The following LDLRAD3 variants were observed in gnomAD, a reference collection of about 807,000 sequenced individuals.
The protein encoded by LDLRAD3 is low density lipoprotein receptor class A domain containing 3.
LDLRAD3 carries 20 observed loss-of-function variants against 29.4 expected under a neutral mutation model. The observed-to-expected ratio is 0.68, with a 90% CI of 0.48 to 0.99. The LOEUF (loss-of-function observed/expected upper bound fraction) is 0.99, where lower values mean the gene tolerates loss of function less well. LDLRAD3 is among the 50% of genes least tolerant of loss of function. The pLI, the probability that LDLRAD3 is intolerant of heterozygous loss-of-function variation, is 0.00. For synonymous variants in LDLRAD3, 157 were observed against 192.7 expected (o/e 0.81, Z 1.53); for missense variants, 420 against 454.3 (o/e 0.92, Z 0.69).
intron 1 of LDLRAD3, among the ~76,000 whole-genome samples, chr11:35,978,402 C>T (rs889467593): frequency 6.6e-6 from 1 of 152,208 alleles, no homozygotes; most frequent in Non-Finnish European, 1.5e-5. Flanking sequence ...CAGCTTCATC[C>T]ATTCTGTTTG....
intron 4 of LDLRAD3, among the ~76,000 whole-genome samples, chr11:36,160,155 T>C (rs1158658733): frequency 6.6e-6 from 1 of 152,154 alleles, no homozygotes; most frequent in Non-Finnish European, 1.5e-5. Flanking sequence ...TAAACCTGAA[T>C]CTGTGTGGTG....
intron 4 of LDLRAD3, among the ~76,000 whole-genome samples, chr11:36,117,859 A>G (rs1853696606): frequency 6.6e-6 from 1 of 152,226 alleles, no homozygotes; most frequent in Non-Finnish European, 1.5e-5. Flanking sequence ...CATTGGTGGA[A>G]AGAGCTGGAG....
chr11:36,142,194 T>A (rs868002989), intron 4 of LDLRAD3, among the ~76,000 whole-genome samples: 1 of 152,320 alleles, frequency 6.6e-6, no homozygotes, highest in Middle Eastern at 3.4e-3. Context: ...CTGAATGCAG[T>A]GACACACTAG....
intron 4 of LDLRAD3, among the ~76,000 whole-genome samples, chr11:36,107,340 C>T (rs886252637): frequency 6.6e-6 from 1 of 151,846 alleles, no homozygotes; most frequent in Non-Finnish European, 1.5e-5. Context: ...AGCTGAGAGG[C>T]GCCCGCTACT....
intron 1 of LDLRAD3, among the ~76,000 whole-genome samples, chr11:35,956,679 A>G (rs1385191845): frequency 6.6e-6 from 1 of 152,212 alleles, no homozygotes; most frequent in Non-Finnish European, 1.5e-5. Context: ...GGTCCTTACC[A>G]TGTAGAAATA....
rs183972318 is a variant in LDLRAD3, at chr11:36,025,810, G to A, written c.47-10293G>A. Among the ~76,000 whole-genome samples the A allele has an allele frequency of 1.9e-3, 236 of 121,352 alleles. 3 individuals carry two copies. Among genetic ancestry groups the A allele is most frequent in the African/African-American group, 7.2e-3 (225 of 31,036 alleles). The allele number at this position is 121,352 out of a possible 152,430, so 79.6% of individuals were successfully genotyped here. On this transcript the variant is annotated intron_variant, in intron 1 of 5. Transcript: ENST00000315571. ...TTTTTTTTTTTTGAGATGGAGTTTCGCTCTTGTTGCCCAGGCTGGAGTGCA... is the reference window on the plus strand; with the variant it reads ...TTTTTTTTTTTTGAGATGGAGTTTCACTCTTGTTGCCCAGGCTGGAGTGCA...
intron 5 of LDLRAD3, among the ~76,000 whole-genome samples, chr11:36,228,311 C>A (rs555378651): frequency 6.6e-6 from 1 of 152,310 alleles, no homozygotes; most frequent in South Asian, 2.1e-4. Context: ...GATCTCTTTG[C>A]AAATAAGTGT....
Position 36,098,417 on chromosome 11 carries a change from A to G in LDLRAD3, c.410A>G (p.Asn137Ser). The change falls in exon 4 of 6, where the codon AAC (asparagine) becomes AGC (serine). Residue 137 changes from asparagine to serine, a missense_variant. Coordinates refer to ENST00000315571, the MANE Select transcript of LDLRAD3 (RefSeq NM_174902.4). ...AGCTTCATCTGCGATGGACAGAATA[A>G]CTGTCAAGACAACAGTGATGAGGAA... The part of the protein sequence containing the change: ...DKSFICDGQN[N>S]CQDNSDEESC... 2 of 1,614,212 alleles carry G rather than the reference A, an allele frequency of 1.2e-6. No individual in the cohort carries two copies. Among genetic ancestry groups the G allele is most frequent in the Non-Finnish European group, 8.5e-7 (1 of 1,180,014 alleles).
At chr11:35,996,596 TATA>T (rs1339845310) in intron 1 of LDLRAD3, among the ~76,000 whole-genome samples, 1 of 152,122 alleles carries the variant, frequency 6.6e-6, no homozygotes, top group Non-Finnish European at 1.5e-5. Flanking sequence ...TTGTGAAAAA[TATA>T]ATACTTATGA....
At chr11:36,044,393 C>G (rs1378740888) in intron 2 of LDLRAD3, among the ~76,000 whole-genome samples, 2 of 150,292 alleles carry the variant, frequency 1.3e-5, no homozygotes, top group Non-Finnish European at 2.9e-5. Flanking sequence ...TAGCTGGTGC[C>G]TGGTGTGAGT....
chr11:36,170,839 G>A (rs913800694), intron 4 of LDLRAD3, among the ~76,000 whole-genome samples: 7 of 144,834 alleles, frequency 4.8e-5, no homozygotes, highest in Admixed American at 1.4e-4. Flanking sequence ...GTCTCCCTCT[G>A]TTGCCAGGTT....
chr11:36,171,345 G>A (rs1854596497), intron 4 of LDLRAD3, among the ~76,000 whole-genome samples: 1 of 152,044 alleles, frequency 6.6e-6, no homozygotes, highest in Non-Finnish European at 1.5e-5. Context: ...TTGCTTTTGG[G>A]TTCTTGGTCA....
chr11:35,948,163 C>T (rs1590673777), intron 1 of LDLRAD3, among the ~76,000 whole-genome samples: 1 of 152,102 alleles, frequency 6.6e-6, no homozygotes, highest in Middle Eastern at 3.4e-3. Flanking sequence ...AATTCGTATT[C>T]CCCTCTTAAA....
chr11:36,125,276 G>A (rs1853818928), intron 4 of LDLRAD3, among the ~76,000 whole-genome samples: 1 of 152,188 alleles, frequency 6.6e-6, no homozygotes, highest in East Asian at 1.9e-4. Flanking sequence ...CATGGTCTCT[G>A]AAAGCAACTT....
At chr11:36,014,111 C>T (rs1565162157) in intron 1 of LDLRAD3, among the ~76,000 whole-genome samples, 1 of 152,132 alleles carries the variant, frequency 6.6e-6, no homozygotes, top group Non-Finnish European at 1.5e-5. Context: ...CTGAGGTGTT[C>T]CTTCCACGCC....
At chr11:36,135,405 A>C (rs1417150735) in intron 4 of LDLRAD3, among the ~76,000 whole-genome samples, 2 of 152,198 alleles carry the variant, frequency 1.3e-5, no homozygotes, top group Non-Finnish European at 2.9e-5. Flanking sequence ...GAGGGGTGGC[A>C]ACAATTCTGA....
intron 1 of LDLRAD3, chr11:35,988,878 T>C (rs931803666): frequency 1.3e-5 from 2 of 151,924 alleles, no homozygotes; most frequent in South Asian, 4.2e-4. Flanking sequence ...TCACCATGCC[T>C]GGCCAGGTCC....
At position 36,036,246 on chromosome 11, in the gene LDLRAD3, T is replaced by A. The variant is rs750744367; in HGVS notation, c.190T>A (p.Cys64Ser). 1 of 1,613,630 alleles carries A rather than the reference T, an allele frequency of 6.2e-7. No homozygotes were observed. The highest frequency in any genetic ancestry group is 8.5e-7 in the Non-Finnish European group (1 of 1,179,896). Reference sequence around the variant, plus strand: ...CTTCGACAAGAGTGATGAGAAGGAGTGCCGTGAGTGGCCTGGCCCTTTGCT... The same window carrying A: ...CTTCGACAAGAGTGATGAGAAGGAGAGCCGTGAGTGGCCTGGCCCTTTGCT... ...DCFDKSDEKE[C>S]PKAKSKCGPT... Residue 64 changes from cysteine to serine, a missense_variant, in exon 2 of 6, where the codon TGC becomes AGC. By Grantham distance (112) the Cys-to-Ser change is moderately radical. Coordinates refer to ENST00000315571, the MANE Select transcript of LDLRAD3 (RefSeq NM_174902.4).
At chr11:36,056,834 C>T (rs931727776) in intron 2 of LDLRAD3, among the ~76,000 whole-genome samples, 2 of 152,110 alleles carry the variant, frequency 1.3e-5, no homozygotes, top group Admixed American at 6.6e-5. Context: ...GGAGGGTACA[C>T]GATACCTCTC....
Sources: gnomAD v4.1 joint callset for allele counts (sites outside exome capture counted in the v4.1 genomes callset) on GRCh38, gnomAD v4.1.1 for gene constraint, MANE v1.5 for transcripts, NCBI Gene and HGNC (gene_info 2026-07-23, HGNC 2026-07-21) for gene names.